The following JARID2 variants were observed in gnomAD, a reference collection of about 807,000 sequenced individuals.
JARID2 encodes jumonji and AT-rich interaction domain containing 2.
A neutral mutation model predicts 125.6 loss-of-function variants in JARID2; 21 were observed. That is an observed-to-expected ratio of 0.17 (90% CI 0.12 to 0.24). JARID2 has a LOEUF of 0.24. Among genes scored for constraint, JARID2 ranks in the 10% least tolerant of loss-of-function variants. JARID2 has a pLI of 1.00. For synonymous variants in JARID2, 736 were observed against 661.6 expected, an observed-to-expected ratio of 1.11 and a Z score of -1.73; for missense variants, 1,303 against 1,639.6, an observed-to-expected ratio of 0.79 and a Z score of 3.55.
intron 1 of JARID2, among the ~76,000 whole-genome samples, chr6:15,326,692 G>T (rs1255813764): frequency 6.6e-6 from 1 of 152,176 alleles, no homozygotes; most frequent in African/African-American, 2.4e-5. Flanking sequence ...GTAGAGACAT[G>T]GTTTCACCAT....
In JARID2 at chr6:15,270,583, A is replaced by G. The variant is rs148026026; in HGVS notation, c.45+23999A>G. Among the ~76,000 whole-genome samples the G allele has an allele frequency of 1.8e-3, 267 of 152,300 alleles. 1 individual carries two copies. Among genetic ancestry groups the G allele is most frequent in the African/African-American group, 5.8e-3 (242 of 41,576 alleles). ...TCAGGTTACCAGAACTTGAAACTCT[A>G]CCTTTGGACTTAGCAGTGACTGTGT... On this transcript the variant is annotated intron_variant, in intron 1 of 17. Transcript: ENST00000341776.
chr6:15,458,329 A>C (rs1217195498), intron 4 of JARID2, among the ~76,000 whole-genome samples: 1 of 152,246 alleles, frequency 6.6e-6, no homozygotes, highest in Non-Finnish European at 1.5e-5. Flanking sequence ...CTCCTGAAGC[A>C]TGCAAACCTA....
chr6:15,412,339 C>T lies in JARID2; in HGVS notation c.323+1974C>T, dbSNP rs115670232. ...GGGGGGTTGAGGGAGACAAGAGTCT[C>T]GCTCTGTCACCCGGGCTGGAGTGTG... is the stretch of plus-strand genomic sequence containing the variant. On this transcript the variant is annotated intron_variant, in intron 3 of 17. Transcript: ENST00000341776. Among the ~76,000 whole-genome samples, 1,082 of 152,152 alleles carry T rather than the reference C, an allele frequency of 7.1e-3. 14 individuals are homozygous for T. The highest frequency in any genetic ancestry group is 0.025 in the African/African-American group (1,028 of 41,504).
intron 1 of JARID2, among the ~76,000 whole-genome samples, chr6:15,331,944 T>G (rs1314483554): frequency 6.6e-6 from 1 of 152,170 alleles, no homozygotes; most frequent in Non-Finnish European, 1.5e-5. Context: ...AATCCTAGAC[T>G]TAATGTCCCT....
chr6:15,421,359 A>G (rs1474586269), intron 3 of JARID2, among the ~76,000 whole-genome samples: 3 of 152,012 alleles, frequency 2.0e-5, no homozygotes, highest in South Asian at 2.1e-4. Flanking sequence ...ACGTACCATC[A>G]GGAAATGGAA....
intron 2 of JARID2, among the ~76,000 whole-genome samples, chr6:15,376,471 C>T (rs989098840): frequency 6.6e-6 from 1 of 152,094 alleles, no homozygotes; most frequent in East Asian, 1.9e-4. Context: ...ATCCCAGCAC[C>T]TTGAAAGGCC....
intron 3 of JARID2, among the ~76,000 whole-genome samples, chr6:15,440,256 AT>A (rs1386183523): frequency 1.3e-5 from 2 of 152,240 alleles, no homozygotes; most frequent in African/African-American, 4.8e-5. Flanking sequence ...CATCAGGTGG[AT>A]TCACAGCTTG....
At chr6:15,421,411 TAA>T (rs561366543) in intron 3 of JARID2, among the ~76,000 whole-genome samples, 1 of 139,190 alleles carries the variant, frequency 7.2e-6, no homozygotes, top group Non-Finnish European at 1.6e-5. Flanking sequence ...TGTTAGTCTT[TAA>T]AAAAAAAAAA....
intron 2 of JARID2, among the ~76,000 whole-genome samples, chr6:15,396,422 A>G (rs531813741): frequency 6.6e-6 from 1 of 152,344 alleles, no homozygotes; most frequent in South Asian, 2.1e-4. Context: ...TATGTGTACT[A>G]TGATCCACTA....
At chr6:15,502,387 G>C (rs561254740) in intron 8 of JARID2, among the ~76,000 whole-genome samples, 10 of 152,360 alleles carry the variant, frequency 6.6e-5, no homozygotes, top group Non-Finnish European at 1.2e-4. Context: ...GTCCTCTGTG[G>C]TCCCAGTTCT....
chr6:15,496,794 A>G lies in JARID2; in HGVS notation c.1569A>G (p.Glu523=). The part of the protein sequence containing the change: ...AHGKADSASC[E]NRSTSQPESV... ...GCAAGGCGGACAGCGCCTCCTGTGA[A>G]AATCGTTCTACCTCGCAACCGGAGT... The change falls in exon 7 of 18, where the codon GAA becomes GAG. Residue 523 remains glutamate, a synonymous_variant. Coordinates refer to ENST00000341776, the MANE Select transcript of JARID2 (RefSeq NM_004973.4). The G allele has an allele frequency of 6.2e-7, 1 of 1,610,680 alleles. No homozygotes were observed. The highest frequency in any genetic ancestry group is 8.5e-7 in the Non-Finnish European group (1 of 1,178,292).
chr6:15,457,105 C>T (rs561893006), intron 4 of JARID2, among the ~76,000 whole-genome samples: 6 of 151,924 alleles, frequency 3.9e-5, no homozygotes, highest in Non-Finnish European at 5.9e-5. Context: ...ATTATACTTT[C>T]GTTTTTGCAG....
chr6:15,412,344 T>C (rs1405113346), intron 3 of JARID2, among the ~76,000 whole-genome samples: 1 of 152,174 alleles, frequency 6.6e-6, no homozygotes, highest in Non-Finnish European at 1.5e-5. Context: ...AGTCTCGCTC[T>C]GTCACCCGGG....
At chr6:15,253,987 A>C (rs541971992) in intron 1 of JARID2, among the ~76,000 whole-genome samples, 1 of 152,298 alleles carries the variant, frequency 6.6e-6, no homozygotes, top group East Asian at 1.9e-4. Flanking sequence ...GTGGAGCCCC[A>C]AAAAGGGGAG....
chr6:15,457,522 G>C lies in JARID2; in HGVS notation c.493+5347G>C, dbSNP rs1581591585. Among the ~76,000 whole-genome samples the C allele has an allele frequency of 2.6e-5, 4 of 152,130 alleles. No individual in the cohort carries two copies. In the South Asian group the frequency reaches 8.3e-4, roughly 32 times the overall value. ...CTTTAATATGCTCATTATTTATAGG[G>C]AAGAAAGTCTGGCTGCAGAAATAAT... On this transcript the variant is annotated intron_variant, in intron 4 of 17. Coordinates refer to ENST00000341776, the MANE Select transcript of JARID2 (RefSeq NM_004973.4).
At chr6:15,504,107 C>T (rs1241276764) in intron 8 of JARID2, among the ~76,000 whole-genome samples, 1 of 151,730 alleles carries the variant, frequency 6.6e-6, no homozygotes, top group East Asian at 1.9e-4. Flanking sequence ...CAGGTCATAG[C>T]TGCTGATAGC....
rs544763727 is a variant in JARID2 at position 15,311,460 on chromosome 6, C to T, written c.46-62657C>T. Among the ~76,000 whole-genome samples the T allele has an allele frequency of 5.9e-5, 9 of 152,274 alleles. 1 individual carries two copies. The highest frequency in any genetic ancestry group is 2.2e-4 in the African/African-American group (9 of 41,548). ...GGCATGGTGGCGCATGCCTGTAATC[C>T]CAGCTACATGGGAAGGCTGAGGCAG... On this transcript the variant is annotated intron_variant, in intron 1 of 17. Transcript: ENST00000341776.
chr6:15,422,244 G>A (rs1228292792), intron 3 of JARID2, among the ~76,000 whole-genome samples: 3 of 152,158 alleles, frequency 2.0e-5, no homozygotes, highest in African/African-American at 7.2e-5. Flanking sequence ...CTGTCCTTCT[G>A]GACGAATACT....
At chr6:15,302,451 A>G (rs745944021) in intron 1 of JARID2, among the ~76,000 whole-genome samples, 31 of 151,876 alleles carry the variant, frequency 2.0e-4, no homozygotes, top group Non-Finnish European at 3.7e-4. Flanking sequence ...AAAGCTTTCC[A>G]TTGTTGACTT....
Sources: allele counts gnomAD v4.1 joint callset (sites outside exome capture counted in the v4.1 genomes callset), GRCh38; gene constraint gnomAD v4.1.1; transcripts MANE v1.5; gene names NCBI Gene and HGNC (gene_info 2026-07-23, HGNC 2026-07-21).